The following BBS9 variants were observed in gnomAD, a reference collection of about 807,000 sequenced individuals.
BBS9 encodes the protein Bardet-Biedl syndrome 9.
A neutral mutation model predicts 117.7 loss-of-function variants in BBS9; 89 were observed. That is an observed-to-expected ratio of 0.76 (90% CI 0.64 to 0.90). BBS9 has a LOEUF of 0.90. Among genes scored for constraint, BBS9 ranks in the 40% least tolerant of loss-of-function variants. The pLI is 0.00. For missense variants in BBS9, 982 were observed against 1,042.2 expected (o/e 0.94, Z 0.80); for synonymous variants, 379 against 370.9 (o/e 1.02, Z -0.25).
intron 19 of BBS9, among the ~76,000 whole-genome samples, chr7:33,482,294 C>T (rs1467760996): frequency 6.6e-6 from 1 of 152,162 alleles, no homozygotes; most frequent in African/African-American, 2.4e-5. Flanking sequence ...TGGTTGACTA[C>T]CATGTTGCCT....
Position 33,352,893 on chromosome 7 carries a change from A to T in BBS9, c.1552+20A>T, listed in dbSNP as rs1240127047. The T allele has an allele frequency of 1.2e-6, 2 of 1,607,364 alleles. No homozygotes were observed. Among genetic ancestry groups the T allele is most frequent in the Admixed American group, 3.3e-5 (2 of 59,992 alleles). Reference sequence around the variant, plus strand: ...CTGATGGTAAGTGTAAAGATAATTTAGAAAAAAATGAATTTCAGAACTGAA... The same window carrying T: ...CTGATGGTAAGTGTAAAGATAATTTTGAAAAAAATGAATTTCAGAACTGAA... On this transcript the variant is annotated intron_variant, in intron 15 of 22. Coordinates refer to ENST00000242067, the MANE Select transcript of BBS9 (RefSeq NM_198428.3).
In BBS9 at chr7:33,472,023, C is replaced by A. The variant is rs527421322; in HGVS notation, c.2116-33440C>A. 6.0e-3 allele frequency among the ~76,000 whole-genome samples: 908 copies of A among 152,248 alleles called. 5 individuals are homozygous for A. Among genetic ancestry groups the A allele is most frequent in the Admixed American group, 9.5e-3 (145 of 15,294 alleles). On this transcript the variant is annotated intron_variant, in intron 19 of 22. Coordinates refer to ENST00000242067, the MANE Select transcript of BBS9 (RefSeq NM_198428.3). ...TCATTTCTTAGGGCAAAAAAAACCC[C>A]ACTTTCCTCTTAGGACCTTTTGACT...
rs563858589 is a variant in BBS9, at chr7:33,340,799, G to GT, written c.1199-90dup. The GT allele has an allele frequency of 3.2e-4, 315 of 982,792 alleles. 1 individual carries two copies. In the African/African-American group the frequency reaches 3.3e-3, roughly 10 times the overall value. 60.9% of individuals were successfully genotyped at this position (982,792 alleles called of 1,614,324 possible). A position where few individuals can be genotyped will look rare whatever the true frequency, so the allele number is the denominator to read the frequency against. ...TTCAACTTGTGAGTATGTTTATGGG[G>GT]TTTTTTTTATATGTGGTATAGACAA... On this transcript the variant is annotated intron_variant, in intron 10 of 22. Coordinates refer to ENST00000242067, the MANE Select transcript of BBS9 (RefSeq NM_198428.3).
At chr7:33,132,108 T>G (rs10272253) in intron 1 of BBS9, among the ~76,000 whole-genome samples, 24,631 of 152,202 alleles carry the variant, frequency 0.16, 2,133 homozygotes, top group South Asian at 0.21. Flanking sequence ...TTAATCAAAT[T>G]TATGACATAC....
At chr7:33,155,563 G>A in intron 3 of BBS9, 75 bp from the exon 4 acceptor site, 2 of 979,846 alleles carry the variant, frequency 2.0e-6, no homozygotes, top group South Asian at 2.7e-5. Context: ...AGATCTTTTT[G>A]AAATTATTTT....
chr7:33,499,363 C>T (rs1213926483), intron 19 of BBS9, among the ~76,000 whole-genome samples: 2 of 152,188 alleles, frequency 1.3e-5, no homozygotes, highest in Non-Finnish European at 1.5e-5. Context: ...GGACTAGAAG[C>T]TCTGTCTCCT....
In BBS9 at chr7:33,259,517, T is replaced by C. The variant is rs76328737; in HGVS notation, c.617+2107T>C. On this transcript the variant is annotated intron_variant, in intron 6 of 22. Coordinates refer to ENST00000242067, the MANE Select transcript of BBS9 (RefSeq NM_198428.3). ...TTGAGCACCATTTTTCTTTTTGAAGTAAGAGAATTGTTTGCCCTGAGACAT... is the reference window on the plus strand; with the variant it reads ...TTGAGCACCATTTTTCTTTTTGAAGCAAGAGAATTGTTTGCCCTGAGACAT... Among the ~76,000 whole-genome samples, 2,755 of 152,166 alleles carry C rather than the reference T, an allele frequency of 0.018. 221 individuals carry two copies. In the East Asian group the frequency reaches 0.27, roughly 15 times the overall value.
At chr7:33,344,779 GA>G (rs1817289599) in intron 12 of BBS9, 145 bp downstream of exon 12, 1 of 813,552 alleles carries the variant, frequency 1.2e-6, no homozygotes, top group African/African-American at 1.7e-5. Flanking sequence ...CTTGAGTAGT[GA>G]ATAGAAAACC....
chr7:33,462,657 T>C (rs1839633423), intron 19 of BBS9, among the ~76,000 whole-genome samples: 1 of 151,946 alleles, frequency 6.6e-6, no homozygotes, highest in Non-Finnish European at 1.5e-5. Flanking sequence ...TTAAATGAAG[T>C]TTAAAAAAAT....
At chr7:33,303,749 T>A (rs1444352338) in intron 9 of BBS9, among the ~76,000 whole-genome samples, 1 of 152,040 alleles carries the variant, frequency 6.6e-6, no homozygotes, top group Non-Finnish European at 1.5e-5. Context: ...CCTCGAGTGA[T>A]CTGCCTGCCT....
chr7:33,194,723 C>T lies in BBS9; in HGVS notation c.442+17132C>T, dbSNP rs143601412. On this transcript the variant is annotated intron_variant, in intron 5 of 22. Coordinates refer to ENST00000242067, the MANE Select transcript of BBS9 (RefSeq NM_198428.3). ...TGTAAGTGTTTTAATGTGGTCAGAT[C>T]ATTCTTTTCTTGTACACTTTATTTC... Among the ~76,000 whole-genome samples, 412 of 152,224 alleles carry T rather than the reference C, an allele frequency of 2.7e-3. 1 individual carries two copies. Among genetic ancestry groups the T allele is most frequent in the African/African-American group, 9.7e-3 (401 of 41,548 alleles).
At chr7:33,272,885 G>C (rs1207378084) in intron 7 of BBS9, 127 bp from the exon 8 acceptor site, 5 of 918,308 alleles carry the variant, frequency 5.4e-6, no homozygotes, top group African/African-American at 1.7e-5. Context: ...ATAAAGAAAT[G>C]AAAGAGATTA....
chr7:33,514,152 C>G (rs2129030444), intron 20 of BBS9, among the ~76,000 whole-genome samples: 1 of 152,294 alleles, frequency 6.6e-6, no homozygotes, highest in Non-Finnish European at 1.5e-5. Flanking sequence ...CCTTTTGGAA[C>G]AAATACTTAA....
intron 21 of BBS9, among the ~76,000 whole-genome samples, chr7:33,575,148 T>A (rs1267503150): frequency 6.6e-6 from 1 of 152,040 alleles, no homozygotes; most frequent in Non-Finnish European, 1.5e-5. Context: ...AAAAAGATAT[T>A]CCAACCTCTC....
chr7:33,314,472 G>A (rs1810034489), intron 9 of BBS9: 1 of 229,002 alleles, frequency 4.4e-6, no homozygotes, highest in Non-Finnish European at 8.8e-6. Context: ...AAGGAATAGG[G>A]AAGGAATATT....
At chr7:33,485,882 T>C (rs990184309) in intron 19 of BBS9, among the ~76,000 whole-genome samples, 3 of 152,184 alleles carry the variant, frequency 2.0e-5, no homozygotes, top group Non-Finnish European at 2.9e-5. Context: ...GCTGGTCACC[T>C]CAATTAAAGA....
At chr7:33,258,973 G>C (rs1475414847) in intron 6 of BBS9, among the ~76,000 whole-genome samples, 2 of 151,962 alleles carry the variant, frequency 1.3e-5, no homozygotes, top group African/African-American at 2.4e-5. Context: ...GCATTATGTG[G>C]CTCATTTATA....
At chr7:33,347,850 A>G (rs899437726) in intron 12 of BBS9, among the ~76,000 whole-genome samples, 5 of 151,984 alleles carry the variant, frequency 3.3e-5, no homozygotes, top group African/African-American at 4.8e-5. Context: ...TAATGTATGT[A>G]TCTGTCTCAT....
chr7:33,366,977 T>A (rs1434131074), intron 16 of BBS9, among the ~76,000 whole-genome samples: 1 of 152,208 alleles, frequency 6.6e-6, no homozygotes, highest in Non-Finnish European at 1.5e-5. Context: ...AGAGGGCACA[T>A]AATATTTGTT....
Sources: allele counts gnomAD v4.1 joint callset (sites outside exome capture counted in the v4.1 genomes callset), GRCh38; gene constraint gnomAD v4.1.1; transcripts MANE v1.5; gene names NCBI Gene and HGNC (gene_info 2026-07-23, HGNC 2026-07-21).